The following RAPGEF5 variants were observed in gnomAD, a reference collection of about 807,000 sequenced individuals.
The protein encoded by RAPGEF5 is Rap guanine nucleotide exchange factor 5.
Under a neutral mutation model 125.2 loss-of-function variants are expected in RAPGEF5, and 65 were observed. The ratio of observed to expected loss-of-function variants is 0.52; its 90% confidence interval spans 0.43 to 0.64. The LOEUF (loss-of-function observed/expected upper bound fraction) is 0.64. Among genes scored for constraint, RAPGEF5 ranks in the 30% least tolerant of loss-of-function variants. RAPGEF5 has a pLI of 0.00. For synonymous variants in RAPGEF5, 391 were observed against 385.9 expected, an observed-to-expected ratio of 1.01 and a Z score of -0.16; for missense variants, 958 against 1,048.1, an observed-to-expected ratio of 0.91 and a Z score of 1.19.
chr7:22,246,331 T>C (rs1786475865), intron 7 of RAPGEF5, among the ~76,000 whole-genome samples: 1 of 152,124 alleles, frequency 6.6e-6, no homozygotes, highest in Admixed American at 6.6e-5. Flanking sequence ...CAAACTATAT[T>C]ATAAGGCTAC....
rs776007443 is a variant in RAPGEF5 at position 22,194,008 on chromosome 7, T to C, written c.1022A>G (p.Gln341Arg). ...EHQDDEVTTV[Q>R]VKEQDQSVLV... ...GACGCTCTGGTCTTGCTCTTTAACC[T>C]GAACAGTCGTCACTTCATCATCTTG... The change falls in exon 10 of 26, where the codon CAG (glutamine) becomes CGG (arginine). Residue 341 changes from glutamine (Q) to arginine (R), a missense_variant. Physicochemically the swap from Gln to Arg is conservative, Grantham distance 43. Transcript: ENST00000665637. The C allele has an allele frequency of 4.3e-6, 7 of 1,613,716 alleles. No individual in the cohort carries two copies. The East Asian group carries it at 1.6e-4, about 36-fold the overall frequency.
At chr7:22,278,616 C>T (rs1782609230) in intron 6 of RAPGEF5, among the ~76,000 whole-genome samples, 1 of 151,580 alleles carries the variant, frequency 6.6e-6, no homozygotes, top group African/African-American at 2.4e-5. Flanking sequence ...AATTTATTTA[C>T]CATATTATTT....
chr7:22,278,933 C>T (rs1186857023), intron 6 of RAPGEF5, among the ~76,000 whole-genome samples: 2 of 151,848 alleles, frequency 1.3e-5, no homozygotes. Context: ...CTTGAAGTTC[C>T]GTAATTTTTG....
intron 5 of RAPGEF5, 97 bp downstream of exon 5, chr7:22,308,242 G>A (rs10499552): frequency 0.087 from 106,053 of 1,216,362 alleles, 5,305 homozygotes; most frequent in East Asian, 0.18. Flanking sequence ...TCCCTCTTAA[G>A]TGAGACAGTG....
chr7:22,309,893 T>C lies in RAPGEF5; in HGVS notation c.511+76A>G, dbSNP rs1783428537. The C allele has an allele frequency of 1.9e-5, 27 of 1,428,580 alleles. 1 individual carries two copies. In the South Asian group the frequency reaches 3.5e-4, roughly 19 times the overall value. The allele number at this position is 1,428,580 out of a possible 1,614,324, so 88.5% of individuals were successfully genotyped here. A position where few individuals can be genotyped will look rare whatever the true frequency, so the allele number is the denominator to read the frequency against. ...AATTTCCATCCAGACTGTAACATCC[T>C]CTAGAAAATCAAGTGTATTTTCATC... is the stretch of plus-strand genomic sequence containing the variant. On this transcript the variant is annotated intron_variant, in intron 4 of 25. Transcript: ENST00000665637.
intron 5 of RAPGEF5, among the ~76,000 whole-genome samples, chr7:22,293,857 T>C (rs1782989959): frequency 6.6e-6 from 1 of 152,186 alleles, no homozygotes; most frequent in Admixed American, 6.5e-5. Flanking sequence ...CGGTCACTTT[T>C]TACCTTAAAC....
intron 5 of RAPGEF5, among the ~76,000 whole-genome samples, chr7:22,307,594 T>C (rs1376989279): frequency 6.6e-6 from 1 of 152,128 alleles, no homozygotes; most frequent in Non-Finnish European, 1.5e-5. Context: ...GTTACCCTTG[T>C]TATGGTTATA....
chr7:22,216,497 A>G (rs1293423846), intron 9 of RAPGEF5, among the ~76,000 whole-genome samples: 1 of 152,158 alleles, frequency 6.6e-6, no homozygotes, highest in Non-Finnish European at 1.5e-5. Flanking sequence ...ACCATTAGTC[A>G]TTCTTCAGGG....
At chr7:22,286,147 G>C (rs1782790913) in intron 6 of RAPGEF5, among the ~76,000 whole-genome samples, 1 of 152,156 alleles carries the variant, frequency 6.6e-6, no homozygotes, top group African/African-American at 2.4e-5. Flanking sequence ...CTACGGATCA[G>C]AAGAGAGAGA....
intron 7 of RAPGEF5, among the ~76,000 whole-genome samples, chr7:22,256,952 A>G (rs1389409318): frequency 2.6e-5 from 4 of 152,242 alleles, no homozygotes; most frequent in Non-Finnish European, 5.9e-5. Flanking sequence ...GGCCTTTTAG[A>G]AAATTACAAC....
intron 9 of RAPGEF5, among the ~76,000 whole-genome samples, chr7:22,210,595 T>G (rs1316645796): frequency 6.6e-6 from 1 of 152,216 alleles, no homozygotes; most frequent in Non-Finnish European, 1.5e-5. Context: ...TCACCATTAT[T>G]CTCTACTATT....
intron 1 of RAPGEF5, among the ~76,000 whole-genome samples, chr7:22,355,054 A>C (rs954702324): frequency 1.3e-5 from 2 of 152,262 alleles, no homozygotes; most frequent in Non-Finnish European, 2.9e-5. Flanking sequence ...ATAAATAGTC[A>C]AAAAGTATGG....
intron 12 of RAPGEF5, among the ~76,000 whole-genome samples, chr7:22,165,835 G>A (rs1272122992): frequency 6.6e-6 from 1 of 151,728 alleles, no homozygotes. Context: ...TTTTGTTTTT[G>A]AAGGCAGTCT....
chr7:22,244,042 G>A (rs1583511716), intron 7 of RAPGEF5, among the ~76,000 whole-genome samples: 1 of 152,210 alleles, frequency 6.6e-6, no homozygotes, highest in Non-Finnish European at 1.5e-5. Context: ...GTGAGATCAT[G>A]TAGTATTTCT....
At chr7:22,157,732 C>T (rs1321206928) in intron 15 of RAPGEF5, 123 bp downstream of exon 15, 12 of 1,062,684 alleles carry the variant, frequency 1.1e-5, no homozygotes, top group South Asian at 4.2e-5. Context: ...CAGCCCCAGG[C>T]GCCCCGCCTT....
rs1583577853 is a variant in RAPGEF5, at chr7:22,322,142, T to G, written c.232-4105A>C. 2.3e-5 allele frequency among the ~76,000 whole-genome samples: 3 copies of G among 131,736 alleles called. No homozygotes were observed. In the East Asian group the frequency reaches 7.2e-4, roughly 32 times the overall value. The allele number at this position is 131,736 out of a possible 152,430, so 86.4% of individuals were successfully genotyped here. A position where few individuals can be genotyped will look rare whatever the true frequency, so the allele number is the denominator to read the frequency against. ...TTGGGGTTTTTTCTTTTTCTTTTTC[T>G]TTTTTTTTTTTGAGACAGGTTCTCA... On this transcript the variant is annotated intron_variant, in intron 1 of 25. Transcript: ENST00000665637.
At chr7:22,171,912 C>T (rs1418833771) in intron 11 of RAPGEF5, among the ~76,000 whole-genome samples, 2 of 152,104 alleles carry the variant, frequency 1.3e-5, no homozygotes, top group African/African-American at 4.8e-5. Context: ...ATAATACTTT[C>T]GTAGTGGCTT....
intron 5 of RAPGEF5, among the ~76,000 whole-genome samples, chr7:22,296,571 C>G (rs1351008637): frequency 6.7e-6 from 1 of 149,074 alleles, no homozygotes; most frequent in Non-Finnish European, 1.5e-5. Context: ...GAAAAGTAGC[C>G]CAGAAGGTGA....
chr7:22,272,678 T>C (rs749671880), intron 6 of RAPGEF5, among the ~76,000 whole-genome samples: 7 of 152,330 alleles, frequency 4.6e-5, no homozygotes, highest in Non-Finnish European at 1.0e-4. Context: ...AGCCATTATA[T>C]AATGTTAAGC....
Sources: gnomAD v4.1 joint callset for allele counts (sites outside exome capture counted in the v4.1 genomes callset) on GRCh38, gnomAD v4.1.1 for gene constraint, MANE v1.5 for transcripts, NCBI Gene and HGNC (gene_info 2026-07-23, HGNC 2026-07-21) for gene names.